ASTN2: variants seen among roughly 807,000 people sequenced by gnomAD.
The protein encoded by ASTN2 is astrotactin-2.
Under a neutral mutation model 139.8 loss-of-function variants are expected in ASTN2, and 54 were observed. The ratio of observed to expected loss-of-function variants is 0.39; its 90% CI spans 0.31 to 0.48. ASTN2 has a LOEUF of 0.48. Among genes scored for constraint, ASTN2 ranks in the 20% least tolerant of loss-of-function variants. The pLI, the probability that ASTN2 is intolerant of heterozygous loss-of-function variation, is 0.95. For synonymous variants in ASTN2, 756 were observed against 719.5 expected, an observed-to-expected ratio of 1.05 and a Z score of -0.81; for missense variants, 1,565 against 1,725.1, an observed-to-expected ratio of 0.91 and a Z score of 1.64.
intron 16 of ASTN2, among the ~76,000 whole-genome samples, chr9:116,709,218 A>G (rs1333596524): frequency 6.6e-6 from 1 of 152,150 alleles, no homozygotes; most frequent in Non-Finnish European, 1.5e-5. Context: ...TATTTCACCT[A>G]TAGGAAAAAG....
rs1554783149 is a variant in ASTN2 at position 117,147,435 on chromosome 9, C to CAA, written c.1016-5959_1016-5958dup. ...TGGGTGAAAGAGTGAGACTCTGACT[C>CAA]AAAACACACACACACACACACACAC... On this transcript the variant is annotated intron_variant, in intron 3 of 22. Transcript: ENST00000313400. 5.0e-5 allele frequency among the ~76,000 whole-genome samples: 4 copies of CAA among 79,536 alleles called. No homozygotes were observed. In the East Asian group the frequency reaches 2.4e-3, roughly 49 times the overall value. 52.2% of individuals were successfully genotyped at this position (79,536 alleles called of 152,430 possible).
chr9:116,957,438 T>TA (rs1835744295), intron 10 of ASTN2, among the ~76,000 whole-genome samples: 1 of 152,230 alleles, frequency 6.6e-6, no homozygotes, highest in African/African-American at 2.4e-5. Context: ...ATAGTACTAT[T>TA]ACCTAATCTA....
At chr9:116,769,008 C>T (rs973018577) in intron 13 of ASTN2, among the ~76,000 whole-genome samples, 9 of 152,182 alleles carry the variant, frequency 5.9e-5, no homozygotes, top group Admixed American at 2.0e-4. Flanking sequence ...GTTGGATATA[C>T]CTTACTTTAC....
chr9:116,731,211 AT>A lies in ASTN2; in HGVS notation c.2522-2116del, dbSNP rs1828772700. 2.8e-5 allele frequency among the ~76,000 whole-genome samples: 4 copies of A among 144,784 alleles called. No individual in the cohort carries two copies. In the South Asian group the frequency reaches 8.4e-4, roughly 30 times the overall value. 95.0% of individuals were successfully genotyped at this position (144,784 alleles called of 152,430 possible). Reference sequence around the variant, plus strand: ...AATAATAATAATAATAATAATAATAATAATAATAATAATAAATCTTTTGAAA... The same window carrying A: ...AATAATAATAATAATAATAATAATAAAATAATAATAATAAATCTTTTGAAA... On this transcript the variant is annotated intron_variant, in intron 14 of 22. Transcript: ENST00000313400.
intron 2 of ASTN2, 80 bp from the exon 3 acceptor site, chr9:117,214,822 C>T (rs778991282): frequency 1.5e-6 from 2 of 1,345,784 alleles, no homozygotes; most frequent in African/African-American, 1.5e-5. Flanking sequence ...CTGTCCACTA[C>T]ACTCTGCCAG....
At chr9:116,473,849 C>T (rs1011712334) in intron 20 of ASTN2, among the ~76,000 whole-genome samples, 6 of 151,690 alleles carry the variant, frequency 4.0e-5, no homozygotes, top group African/African-American at 1.5e-4. Flanking sequence ...TTGCAGTGGG[C>T]TGAGATCGCA....
chr9:116,809,177 G>T (rs563725015), intron 12 of ASTN2, among the ~76,000 whole-genome samples: 1 of 151,980 alleles, frequency 6.6e-6, no homozygotes, highest in Non-Finnish European at 1.5e-5. Context: ...CCCACAAGAC[G>T]ATAAAATATA....
At chr9:117,363,749 A>C (rs1294302270) in intron 1 of ASTN2, among the ~76,000 whole-genome samples, 1 of 152,216 alleles carries the variant, frequency 6.6e-6, no homozygotes, top group Admixed American at 6.5e-5. Flanking sequence ...ATCAGTGCCC[A>C]GGACATGATG....
intron 2 of ASTN2, among the ~76,000 whole-genome samples, chr9:117,229,795 G>A (rs1223024762): frequency 2.0e-5 from 3 of 152,124 alleles, no homozygotes; most frequent in Admixed American, 1.3e-4. Context: ...AGGTCCTGAG[G>A]AAATGGACTG....
chr9:116,975,494 T>G, intron 9 of ASTN2, 149 bp from the exon 10 acceptor site: 1 of 715,746 alleles, frequency 1.4e-6, no homozygotes, highest in African/African-American at 1.8e-5. Context: ...TTGGCCAACT[T>G]TCTCCAGACC....
rs546400633 is a variant in ASTN2, at chr9:117,359,591, C to T, written c.442+54906G>A. ...CAAAGAATTGTCCTTTGTGCCTTAA[C>T]TTTGTTGAACCATATGGTTCTTGAA... On this transcript the variant is annotated intron_variant, in intron 1 of 22. Transcript: ENST00000313400. 2.0e-5 allele frequency among the ~76,000 whole-genome samples: 3 copies of T among 152,234 alleles called. No homozygotes were observed. The East Asian group carries it at 5.8e-4, about 29-fold the overall frequency.
chr9:117,388,669 T>C lies in ASTN2; in HGVS notation c.442+25828A>G, dbSNP rs143168874. ...TAGGGTGCTCACAGAGTTGGGAGTG[T>C]AGCCAAGATTAGAAGTCAGAGCTCT... On this transcript the variant is annotated intron_variant, in intron 1 of 22. Coordinates refer to ENST00000313400, the MANE Select transcript of ASTN2 (RefSeq NM_001365068.1). Among the ~76,000 whole-genome samples the C allele has an allele frequency of 1.7e-3, 252 of 152,298 alleles. 2 individuals carry two copies. The highest frequency in any genetic ancestry group is 5.6e-3 in the African/African-American group (234 of 41,582).
chr9:117,211,728 T>C (rs925999825), intron 3 of ASTN2, among the ~76,000 whole-genome samples: 7 of 152,068 alleles, frequency 4.6e-5, no homozygotes, highest in African/African-American at 1.7e-4. Context: ...AAAATCAACA[T>C]ATAAAAATTA....
At chr9:116,557,947 T>C (rs1852717845) in intron 19 of ASTN2, among the ~76,000 whole-genome samples, 1 of 152,190 alleles carries the variant, frequency 6.6e-6, no homozygotes, top group Non-Finnish European at 1.5e-5. Flanking sequence ...TAATTGAATA[T>C]ACATTGTTCG....
chr9:116,785,204 C>T (rs1830338035), intron 13 of ASTN2, among the ~76,000 whole-genome samples: 1 of 152,152 alleles, frequency 6.6e-6, no homozygotes, highest in Non-Finnish European at 1.5e-5. Context: ...GGGAGCTCAT[C>T]CTCAGTCTCC....
intron 7 of ASTN2, among the ~76,000 whole-genome samples, chr9:116,985,592 A>G (rs901180824): frequency 2.0e-5 from 3 of 152,120 alleles, no homozygotes; most frequent in Admixed American, 6.5e-5. Context: ...ACATGATTAT[A>G]TATTATTAGT....
At chr9:116,460,130 A>G (rs1330654385) in intron 20 of ASTN2, among the ~76,000 whole-genome samples, 1 of 152,156 alleles carries the variant, frequency 6.6e-6, no homozygotes, top group East Asian at 1.9e-4. Context: ...AAAACATGCT[A>G]AGTGAAAGAA....
At position 116,494,481 on chromosome 9, in the gene ASTN2, C is replaced by A. The variant is rs146311247; in HGVS notation, c.3356-6981G>T. Among the ~76,000 whole-genome samples the A allele has an allele frequency of 2.7e-3, 413 of 152,186 alleles. 3 individuals are homozygous for A. The highest frequency in any genetic ancestry group is 9.0e-3 in the African/African-American group (375 of 41,520). On this transcript the variant is annotated intron_variant, in intron 19 of 22. Coordinates refer to ENST00000313400, the MANE Select transcript of ASTN2 (RefSeq NM_001365068.1). ...TGCTTTTAGGTGCATTACATCATAT[C>A]TAACTCCCTAAAACCTTCCTGTTTT...
rs1833530008 is a variant in ASTN2, at chr9:116,884,259, T to C, written c.1890-20526A>G. Among the ~76,000 whole-genome samples, 3 of 152,068 alleles carry C rather than the reference T, an allele frequency of 2.0e-5. No individual in the cohort carries two copies. The South Asian group carries it at 6.2e-4, about 32-fold the overall frequency. ...GGCCATGGAACACAGGAGAAAGCCA[T>C]GGGACCTGGATTCCAAGAGAAGGGG... On this transcript the variant is annotated intron_variant, in intron 10 of 22. Transcript: ENST00000313400.
Sources: allele counts gnomAD v4.1 joint callset (sites outside exome capture counted in the v4.1 genomes callset), GRCh38; gene constraint gnomAD v4.1.1; transcripts MANE v1.5; gene names NCBI Gene and HGNC (gene_info 2026-07-23, HGNC 2026-07-21).